Variants in C5orf15 observed in about 807,000 individuals in gnomAD.
C5orf15 encodes keratinocyte-associated transmembrane protein 2.
Under a neutral mutation model 17.8 loss-of-function variants are expected in C5orf15, and 10 were observed. The ratio of observed to expected loss-of-function variants is 0.56; its 90% CI spans 0.35 to 0.95. The LOEUF (loss-of-function observed/expected upper bound fraction) is 0.95, where lower values mean the gene tolerates loss of function less well. Ranked by LOEUF, C5orf15 falls within the 40% of genes least tolerant of loss-of-function variation. The pLI is 0.02. For missense variants in C5orf15, 319 were observed against 331.7 expected (o/e 0.96, Z 0.30); for synonymous variants, 124 against 131.0 (o/e 0.95, Z 0.36).
chr5:133,960,313 C>T (rs1434287099), intron 1 of C5orf15, among the ~76,000 whole-genome samples: 6 of 152,160 alleles, frequency 3.9e-5, no homozygotes, highest in Admixed American at 6.5e-5. Context: ...CTTTAAGTCA[C>T]GATGGCAAAG....
intron 2 of C5orf15, among the ~76,000 whole-genome samples, chr5:133,959,132 G>A (rs1410039094): frequency 2.0e-5 from 3 of 152,144 alleles, no homozygotes; most frequent in African/African-American, 7.2e-5. Context: ...TTGGGAGGCC[G>A]AGGCGGGAGG....
intron 1 of C5orf15, among the ~76,000 whole-genome samples, chr5:133,965,118 T>C (rs1752173998): frequency 6.6e-6 from 1 of 152,142 alleles, no homozygotes; most frequent in Admixed American, 6.5e-5. Context: ...CTATCCCCAT[T>C]ACCTACTTAA....
In C5orf15 at chr5:133,959,651, T is replaced by G; in HGVS notation, c.509A>C (p.Glu170Ala). 6.2e-7 allele frequency: 1 copy of G among 1,613,716 alleles called. No homozygotes were observed. The highest frequency in any genetic ancestry group is 1.3e-5 in the African/African-American group (1 of 74,998). ...RDDDESDDTL[E>A]ENRGYMEIEQ... is the part of the protein sequence containing the mutation. ...AATTTCCATGTAACCCCTGTTTTCT[T>G]CCAAGGTGTCATCAGACTCGTCGTC... The change falls in exon 2 of 3, where the codon GAA (glutamate) becomes GCA (alanine). Residue 170 changes from glutamate to alanine, a missense_variant. By Grantham distance (107) the Glu-to-Ala change is moderately radical. Around this residue, in one of 3 missense-constraint regions of C5orf15, gnomAD observed 175 missense variants for 192.4 expected, o/e 0.91. Coordinates refer to ENST00000231512, the MANE Select transcript of C5orf15 (RefSeq NM_020199.3).
At chr5:133,968,373 G>A in intron 1 of C5orf15, 73 bp downstream of exon 1, 3 of 1,545,896 alleles carry the variant, frequency 1.9e-6, no homozygotes, top group Non-Finnish European at 2.6e-6. Context: ...CCCTTTCCCT[G>A]GCCCGGCCTG....
At position 133,968,602 on chromosome 5, in the gene C5orf15, G is replaced by C. The variant is rs201906405; in HGVS notation, c.-18C>G. 1,522 of 1,595,978 alleles carry C rather than the reference G, an allele frequency of 9.5e-4. No individual in the cohort carries two copies. Among genetic ancestry groups the C allele is most frequent in the Non-Finnish European group, 1.2e-3 (1,379 of 1,172,002 alleles). ...GCGGCCATAACGGACTCGGCTGGGA[G>C]CCTGCGCTGTTGCTAGGCTCTACGC... On this transcript the variant is annotated 5_prime_UTR_variant, in exon 1 of 3. Transcript: ENST00000231512.
intron 1 of C5orf15, among the ~76,000 whole-genome samples, chr5:133,964,154 T>A (rs552475210): frequency 6.6e-6 from 1 of 152,028 alleles, no homozygotes; most frequent in Non-Finnish European, 1.5e-5. Context: ...GAGGCGGAGG[T>A]TGCAGTGAGC....
chr5:133,961,481 G>A (rs908896370), intron 1 of C5orf15, among the ~76,000 whole-genome samples: 5 of 151,030 alleles, frequency 3.3e-5, no homozygotes, highest in African/African-American at 9.8e-5. Flanking sequence ...GGGAGGTGGA[G>A]GTTGCAGTGA....
chr5:133,957,050 T>G (rs1752051748), intron 2 of C5orf15, 60 bp from the exon 3 acceptor site: 3 of 1,329,686 alleles, frequency 2.3e-6, no homozygotes, highest in Non-Finnish European at 3.2e-6. Flanking sequence ...GTAAACATTT[T>G]TATAACAAGT....
chr5:133,963,831 T>C (rs1007666467), intron 1 of C5orf15, among the ~76,000 whole-genome samples: 3 of 152,206 alleles, frequency 2.0e-5, no homozygotes, highest in South Asian at 2.1e-4. Flanking sequence ...AGCAGCTTTA[T>C]TCATAATAGC....
chr5:133,964,198 C>T (rs189442579), intron 1 of C5orf15, among the ~76,000 whole-genome samples: 47 of 152,096 alleles, frequency 3.1e-4, no homozygotes, highest in African/African-American at 1.1e-3. Flanking sequence ...GCCTGGAGTG[C>T]AAGACTTACT....
chr5:133,961,263 A>G (rs1397970379), intron 1 of C5orf15, among the ~76,000 whole-genome samples: 1 of 146,098 alleles, frequency 6.8e-6, no homozygotes, highest in Non-Finnish European at 1.5e-5. Flanking sequence ...AAAAAAAAAA[A>G]GGCCAGGCCC....
chr5:133,956,256 C>A lies in C5orf15; in HGVS notation c.*603G>T, dbSNP rs1472094706. The A allele has an allele frequency of 6.6e-6, 1 of 152,606 alleles. No individual in the cohort carries two copies. The highest frequency in any genetic ancestry group is 1.5e-5 in the Non-Finnish European group (1 of 68,020). The allele number at this position is 152,606 out of a possible 1,614,324, so 9.5% of individuals were successfully genotyped here. A position where few individuals can be genotyped will look rare whatever the true frequency, so the allele number is the denominator to read the frequency against. The stretch of plus-strand genomic sequence containing the variant: ...TGTAACATTTTATCTATGTCCACTG[C>A]AAGCTGCAGAGTCTCTGTTGCCAAG... On this transcript the variant is annotated 3_prime_UTR_variant, in exon 3 of 3. Transcript: ENST00000231512.
intron 1 of C5orf15, among the ~76,000 whole-genome samples, chr5:133,962,307 T>C (rs1752135511): frequency 6.6e-6 from 1 of 152,202 alleles, no homozygotes; most frequent in Admixed American, 6.5e-5. Context: ...TGCTTTCTTG[T>C]TATTACTGAA....
intron 1 of C5orf15, among the ~76,000 whole-genome samples, chr5:133,960,949 A>C (rs1330516179): frequency 1.3e-5 from 2 of 151,962 alleles, no homozygotes; most frequent in Non-Finnish European, 2.9e-5. Context: ...AAAAAAAAAA[A>C]ACCTCTGTCA....
At chr5:133,963,279 C>T (rs1336340390) in intron 1 of C5orf15, among the ~76,000 whole-genome samples, 13 of 152,242 alleles carry the variant, frequency 8.5e-5, no homozygotes, top group East Asian at 1.9e-4. Flanking sequence ...GACATCACTT[C>T]CTAACTTTTC....
chr5:133,963,161 C>G (rs1408274839), intron 1 of C5orf15, among the ~76,000 whole-genome samples: 1 of 152,200 alleles, frequency 6.6e-6, no homozygotes, highest in Non-Finnish European at 1.5e-5. Context: ...TGTTGGCAAT[C>G]ATATTTTCCT....
chr5:133,968,300 C>T, intron 1 of C5orf15, 146 bp downstream of exon 1: 7 of 1,104,994 alleles, frequency 6.3e-6, no homozygotes, highest in Non-Finnish European at 9.1e-6. Context: ...ACCCTCCGTC[C>T]TCAGGCCCGC....
intron 1 of C5orf15, among the ~76,000 whole-genome samples, chr5:133,962,443 GA>G (rs1166251758): frequency 6.6e-6 from 1 of 152,086 alleles, no homozygotes; most frequent in Admixed American, 6.5e-5. Flanking sequence ...GCCCTTTTCA[GA>G]CCATTCTCCC....
chr5:133,956,996 A>C lies in C5orf15; in HGVS notation c.667-6T>G. On this transcript the variant is annotated splice_polypyrimidine_tract_variant and splice_region_variant and intron_variant, in intron 2 of 2. Coordinates refer to ENST00000231512, the MANE Select transcript of C5orf15 (RefSeq NM_020199.3). The stretch of plus-strand genomic sequence containing the variant: ...CTTTGAACCAGAAGAAAAATCTGGA[A>C]AACAGAAGTCATTAAATAGGCAAAA... The C allele has an allele frequency of 1.2e-6, 2 of 1,604,858 alleles. No individual in the cohort carries two copies. Among genetic ancestry groups the C allele is most frequent in the African/African-American group, 2.7e-5 (2 of 74,600 alleles).
Sources: gnomAD v4.1 joint callset for allele counts (sites outside exome capture counted in the v4.1 genomes callset) on GRCh38, gnomAD v4.1.1 for gene constraint, gnomAD v4.1.1 regional missense constraint, MANE v1.5 for transcripts, NCBI Gene and HGNC (gene_info 2026-07-23, HGNC 2026-07-21) for gene names.